Variants in PPP1R21 observed in about 807,000 individuals in gnomAD.
The protein encoded by PPP1R21 is KLRAQ motif containing 1.
A neutral mutation model predicts 112.8 loss-of-function variants in PPP1R21; 85 were observed. The observed-to-expected ratio is 0.75, with a 90% CI of 0.63 to 0.90. The LOEUF (loss-of-function observed/expected upper bound fraction) is 0.90, where lower values mean the gene tolerates loss of function less well. Ranked by LOEUF, PPP1R21 falls within the 40% of genes least tolerant of loss-of-function variation. The pLI, the probability that PPP1R21 is intolerant of heterozygous loss-of-function variation, is 0.00. For synonymous variants in PPP1R21, 381 were observed against 322.3 expected, an observed-to-expected ratio of 1.18 and a Z score of -1.95; for missense variants, 1,199 against 901.5, an observed-to-expected ratio of 1.33 and a Z score of -4.23.
At chr2:48,472,239 C>CAAAA (rs57711610) in intron 11 of PPP1R21, among the ~76,000 whole-genome samples, 1 of 43,034 alleles carries the variant, frequency 2.3e-5, no homozygotes, top group African/African-American at 9.7e-5. Context: ...GACTCCATCT[C>CAAAA]AAAAAAAAAA....
At chr2:48,478,191 A>G (rs572739973) in intron 12 of PPP1R21, among the ~76,000 whole-genome samples, 10 of 152,238 alleles carry the variant, frequency 6.6e-5, no homozygotes, top group African/African-American at 2.2e-4. Context: ...TTGATTTTGG[A>G]CTTCTGGCCT....
At chr2:48,445,255 T>A (rs1159366355) in intron 1 of PPP1R21, among the ~76,000 whole-genome samples, 1 of 151,792 alleles carries the variant, frequency 6.6e-6, no homozygotes, top group Admixed American at 6.6e-5. Flanking sequence ...AATGAAAATG[T>A]TCTGTATCTG....
chr2:48,468,166 G>A (rs1668285889), intron 9 of PPP1R21, among the ~76,000 whole-genome samples: 1 of 152,170 alleles, frequency 6.6e-6, no homozygotes, highest in Non-Finnish European at 1.5e-5. Flanking sequence ...CTTTAAAATG[G>A]GAGATAGAAT....
chr2:48,483,888 A>G (rs189861542), intron 13 of PPP1R21, among the ~76,000 whole-genome samples: 31 of 151,898 alleles, frequency 2.0e-4, no homozygotes, highest in South Asian at 2.1e-4. Context: ...GGGTCCTTCT[A>G]TATTTCCCAG....
At chr2:48,492,237 G>A (rs1669598641) in intron 15 of PPP1R21, among the ~76,000 whole-genome samples, 1 of 152,278 alleles carries the variant, frequency 6.6e-6, no homozygotes, top group East Asian at 1.9e-4. Flanking sequence ...TCAGTTTGAT[G>A]TGTAACCTTT....
At chr2:48,449,191 A>G (rs1447518605) in intron 1 of PPP1R21, among the ~76,000 whole-genome samples, 2 of 152,144 alleles carry the variant, frequency 1.3e-5, no homozygotes, top group African/African-American at 4.8e-5. Context: ...TATAATAAAC[A>G]TATCTGTTGT....
chr2:48,461,242 A>G lies in PPP1R21; in HGVS notation c.694+10A>G, dbSNP rs769205869. The G allele has an allele frequency of 1.9e-6, 3 of 1,539,996 alleles. No homozygotes were observed. Among genetic ancestry groups the G allele is most frequent in the Non-Finnish European group, 2.6e-6 (3 of 1,151,868 alleles). On this transcript the variant is annotated intron_variant, in intron 7 of 21. Coordinates refer to ENST00000294952, the MANE Select transcript of PPP1R21 (RefSeq NM_001135629.3). Reference sequence around the variant, plus strand: ...CCTTTTAATGATACAAGTAGGTATTATGTACAGTTTTCCATTATTTGTAAC... The same window carrying G: ...CCTTTTAATGATACAAGTAGGTATTGTGTACAGTTTTCCATTATTTGTAAC...
chr2:48,505,184 T>G (rs1670318740), intron 17 of PPP1R21, among the ~76,000 whole-genome samples: 1 of 152,246 alleles, frequency 6.6e-6, no homozygotes, highest in Non-Finnish European at 1.5e-5. Flanking sequence ...GAATGTTTAA[T>G]TATTATGGTC....
At chr2:48,467,989 G>C (rs1017860646) in intron 9 of PPP1R21, among the ~76,000 whole-genome samples, 3 of 152,172 alleles carry the variant, frequency 2.0e-5, no homozygotes, top group African/African-American at 7.2e-5. Flanking sequence ...AGTATTTTCA[G>C]GGTCTGAACA....
At chr2:48,455,723 T>A (rs1453630112) in intron 3 of PPP1R21, among the ~76,000 whole-genome samples, 1 of 152,024 alleles carries the variant, frequency 6.6e-6, no homozygotes, top group Non-Finnish European at 1.5e-5. Context: ...ACTACTCATA[T>A]GAAAGTAGCG....
chr2:48,472,396 A>C (rs189055143), intron 11 of PPP1R21, among the ~76,000 whole-genome samples: 1 of 151,050 alleles, frequency 6.6e-6, no homozygotes, highest in Non-Finnish European at 1.5e-5. Context: ...GAGGCCAAAG[A>C]GGGTGGATCA....
chr2:48,452,692 T>G (rs938989012), intron 2 of PPP1R21, among the ~76,000 whole-genome samples: 2 of 152,000 alleles, frequency 1.3e-5, no homozygotes, highest in Non-Finnish European at 2.9e-5. Context: ...GGGTTTACCC[T>G]TTCAGTGCGC....
At chr2:48,445,019 G>C (rs918131849) in intron 1 of PPP1R21, among the ~76,000 whole-genome samples, 4 of 151,574 alleles carry the variant, frequency 2.6e-5, no homozygotes, top group African/African-American at 9.7e-5. Context: ...GAAAGGGTCA[G>C]TTTTGATCCA....
Position 48,514,866 on chromosome 2 carries a change from A to G in PPP1R21, c.*122A>G. 1.1e-6 allele frequency: 1 copy of G among 901,572 alleles called. No homozygotes were observed. Among genetic ancestry groups the G allele is most frequent in the East Asian group, 2.5e-5 (1 of 40,752 alleles). The allele number at this position is 901,572 out of a possible 1,614,324, so 55.8% of individuals were successfully genotyped here. A position where few individuals can be genotyped will look rare whatever the true frequency, so the allele number is the denominator to read the frequency against. On this transcript the variant is annotated 3_prime_UTR_variant, in exon 22 of 22. Coordinates refer to ENST00000294952, the MANE Select transcript of PPP1R21 (RefSeq NM_001135629.3). ...AAGCTAAAGTATTGTTGGACCTAGT[A>G]AACTAGTCAGTGTTGGAAACGGCCT...
At chr2:48,495,204 T>A (rs925306310) in intron 15 of PPP1R21, among the ~76,000 whole-genome samples, 1 of 152,156 alleles carries the variant, frequency 6.6e-6, no homozygotes, top group African/African-American at 2.4e-5. Flanking sequence ...TTATTGTTTT[T>A]CTTTTTTTTT....
At chr2:48,461,256 A>C in intron 7 of PPP1R21, 24 bp downstream of exon 7, 1 of 1,507,780 alleles carries the variant, frequency 6.6e-7, no homozygotes, top group Non-Finnish European at 8.8e-7. Flanking sequence ...ACAGTTTTCC[A>C]TTATTTGTAA....
chr2:48,505,720 A>C (rs991210548), intron 18 of PPP1R21, 124 bp downstream of exon 18: 1 of 809,078 alleles, frequency 1.2e-6, no homozygotes, highest in African/African-American at 1.7e-5. Context: ...ACTTCTAGCA[A>C]ATGTGGAGCC....
At chr2:48,478,212 G>T (rs1056941995) in intron 12 of PPP1R21, among the ~76,000 whole-genome samples, 2 of 152,148 alleles carry the variant, frequency 1.3e-5, no homozygotes, top group African/African-American at 2.4e-5. Context: ...CTAGAACTGT[G>T]AGAAAATAAA....
intron 17 of PPP1R21, among the ~76,000 whole-genome samples, chr2:48,499,588 T>C (rs989875383): frequency 8.5e-5 from 13 of 152,062 alleles, no homozygotes; most frequent in African/African-American, 3.1e-4. Flanking sequence ...AAACAAGTAA[T>C]AATAAAAAAG....
Sources: allele counts gnomAD v4.1 joint callset (sites outside exome capture counted in the v4.1 genomes callset), GRCh38; gene constraint gnomAD v4.1.1; transcripts MANE v1.5; gene names NCBI Gene and HGNC (gene_info 2026-07-23, HGNC 2026-07-21).